FAT4: variants seen among roughly 807,000 people sequenced by gnomAD.
FAT4 encodes the protein protocadherin Fat 4.
A neutral mutation model predicts 303.9 loss-of-function variants in FAT4; 84 were observed. The ratio of observed to expected loss-of-function variants is 0.28; its 90% CI spans 0.23 to 0.33. The LOEUF (loss-of-function observed/expected upper bound fraction) is 0.33, where lower values mean the gene tolerates loss of function less well. Ranked by LOEUF, FAT4 falls within the 10% of genes least tolerant of loss-of-function variation. The pLI is 1.00. For synonymous variants in FAT4, 2,307 were observed against 2,298.8 expected (o/e 1.00, Z -0.10); for missense variants, 6,005 against 6,146.8 (o/e 0.98, Z 0.77).
chr4:125,396,945 T>C (rs1355199901), intron 2 of FAT4, among the ~76,000 whole-genome samples: 1 of 82,992 alleles, frequency 1.2e-5, no homozygotes, highest in Non-Finnish European at 2.8e-5. Flanking sequence ...TATATATATA[T>C]ATATATATAT....
intron 2 of FAT4, among the ~76,000 whole-genome samples, chr4:125,363,802 A>AT (rs1732761342): frequency 6.6e-6 from 1 of 152,006 alleles, no homozygotes; most frequent in Admixed American, 6.6e-5. Context: ...CCTGTAGCTT[A>AT]TTTTTTAAAA....
intron 2 of FAT4, among the ~76,000 whole-genome samples, chr4:125,336,443 C>T (rs1280446516): frequency 6.6e-6 from 1 of 151,740 alleles, no homozygotes; most frequent in Non-Finnish European, 1.5e-5. Context: ...AAATATAATC[C>T]ACCCGCCTAG....
In FAT4 at chr4:125,407,121, T is replaced by C. The variant is rs1406729912; in HGVS notation, c.5549T>C (p.Ile1850Thr). 5 of 1,612,702 alleles carry C rather than the reference T, an allele frequency of 3.1e-6. No individual in the cohort carries two copies. The highest frequency in any genetic ancestry group is 2.2e-5 in the East Asian group (1 of 44,844). Residue 1850 changes from isoleucine to threonine, a missense_variant, in exon 4 of 18, where the codon ATT (isoleucine) becomes ACT (threonine). Physicochemically the swap from Ile to Thr is moderately conservative, Grantham distance 89. Transcript: ENST00000394329. ...KFSRPVYSFD[I>T]PEDTIPGSLV... ...TCCAGACCCGTGTACTCTTTTGACA[T>C]TCCTGAGGACACAATCCCTGGTAGG...
Position 125,319,759 on chromosome 4 carries a change from G to C in FAT4, c.3348G>C (p.Gly1116=). Residue 1116 remains glycine, a synonymous_variant, in exon 2 of 18, where the codon GGG becomes GGC. Transcript: ENST00000394329. Reference sequence around the variant, plus strand: ...ACTTCGAAGAAGAGCAGAGGGCTGGGTCGTTTGTGGGCAAAGTAAGTGCTG... The same window carrying C: ...ACTTCGAAGAAGAGCAGAGGGCTGGCTCGTTTGTGGGCAAAGTAAGTGCTG... ...TFYFEEEQRA[G]SFVGKVSAVD... 2 of 1,614,200 alleles carry C rather than the reference G, an allele frequency of 1.2e-6. No homozygotes were observed. Among genetic ancestry groups the C allele is most frequent in the Non-Finnish European group, 1.7e-6 (2 of 1,180,030 alleles).
At chr4:125,431,349 T>G (rs1400672576) in intron 7 of FAT4, among the ~76,000 whole-genome samples, 2 of 152,208 alleles carry the variant, frequency 1.3e-5, no homozygotes, top group African/African-American at 4.8e-5. Context: ...CTGTGAATTT[T>G]TAGAGAGCTA....
chr4:125,435,302 CT>C (rs944644267), intron 8 of FAT4, among the ~76,000 whole-genome samples: 33 of 152,196 alleles, frequency 2.2e-4, no homozygotes, highest in African/African-American at 7.9e-4. Flanking sequence ...TCCAAAGGTT[CT>C]AGAGAAAAAC....
chr4:125,483,512 T>C (rs2126088807), intron 16 of FAT4, among the ~76,000 whole-genome samples: 1 of 152,308 alleles, frequency 6.6e-6, no homozygotes, highest in South Asian at 2.1e-4. Flanking sequence ...ATTTTTTTCT[T>C]CACTAAGGAA....
chr4:125,483,805 A>T (rs1227251726), intron 16 of FAT4, among the ~76,000 whole-genome samples: 1 of 152,130 alleles, frequency 6.6e-6, no homozygotes, highest in East Asian at 1.9e-4. Context: ...AAACCAAAAG[A>T]AAGTGGCTGT....
rs557454675 is a variant in FAT4, at chr4:125,388,179, T to C, written c.5176-10605T>C. 3.3e-5 allele frequency among the ~76,000 whole-genome samples: 5 copies of C among 152,282 alleles called. No homozygotes were observed. The South Asian group carries it at 1.0e-3, about 32-fold the overall frequency. On this transcript the variant is annotated intron_variant, in intron 2 of 17. Transcript: ENST00000394329. ...TTGTGCTATTTTTATAGATAGCCCA[T>C]TGTCCAATCCAAATATTATGAAAGA...
Position 125,317,963 on chromosome 4 carries a change from A to G in FAT4, c.1552A>G (p.Asn518Asp). Residue 518 changes from asparagine (N) to aspartate (D), a missense_variant, in exon 2 of 18, where the codon AAT becomes GAT. Coordinates refer to ENST00000394329, the MANE Select transcript of FAT4 (RefSeq NM_001291303.3). The surrounding 1 kb of genome is among the most constrained non-coding windows in gnomAD (Gnocchi z 7.0). The part of the protein sequence containing the change: ...ANLRYSIVSG[N>D]GLGWFHISEH... ...TCTGCGTTACAGCATTGTCTCTGGC[A>G]ATGGACTGGGATGGTTCCATATCAG... is the stretch of plus-strand genomic sequence containing the variant. 6.2e-7 allele frequency: 1 copy of G among 1,614,120 alleles called. No individual in the cohort carries two copies. The highest frequency in any genetic ancestry group is 8.5e-7 in the Non-Finnish European group (1 of 1,180,042).
intron 2 of FAT4, among the ~76,000 whole-genome samples, chr4:125,344,177 A>G (rs1421700720): frequency 6.6e-6 from 1 of 152,202 alleles, no homozygotes; most frequent in East Asian, 1.9e-4. Flanking sequence ...TTGGATTTCG[A>G]ATAAGATTAT....
At position 125,450,961 on chromosome 4, in the gene FAT4, T is replaced by C; in HGVS notation, c.9951T>C (p.Thr3317=). 6.2e-7 allele frequency: 1 copy of C among 1,614,118 alleles called. No homozygotes were observed. The highest frequency in any genetic ancestry group is 8.5e-7 in the Non-Finnish European group (1 of 1,180,006). Residue 3317 remains threonine, a synonymous_variant, in exon 10 of 18, where the codon ACT becomes ACC. Coordinates refer to ENST00000394329, the MANE Select transcript of FAT4 (RefSeq NM_001291303.3). The part of the protein sequence containing the change: ...FEISEAAPKG[T]IVGEVFASDR... ...TCTCAGAAGCAGCTCCTAAAGGTAC[T>C]ATTGTTGGAGAAGTGTTTGCTAGCG...
Position 125,491,056 on chromosome 4 carries a change from A to G in FAT4, c.14240A>G (p.Tyr4747Cys). 6.2e-7 allele frequency: 1 copy of G among 1,614,208 alleles called. No homozygotes were observed. Among genetic ancestry groups the G allele is most frequent in the Non-Finnish European group, 8.5e-7 (1 of 1,180,038 alleles). The part of the protein sequence containing the change: ...GDTCQPGIFN[Y>C]ATRLGRRSKS... ...ACCTGCCAACCTGGCATTTTCAACT[A>G]TGCCACAAGGCTGGGAAGGAGAAGC... The change falls in exon 18 of 18, where the codon TAT (tyrosine) becomes TGT (cysteine). Residue 4747 changes from tyrosine to cysteine, a missense_variant. By Grantham distance (194) the Tyr-to-Cys change is radical. Coordinates refer to ENST00000394329, the MANE Select transcript of FAT4 (RefSeq NM_001291303.3).
chr4:125,353,071 A>G (rs973439598), intron 2 of FAT4, among the ~76,000 whole-genome samples: 5 of 151,704 alleles, frequency 3.3e-5, no homozygotes, highest in Non-Finnish European at 7.4e-5. Context: ...ATTTTAGCAG[A>G]TTGTAAATTT....
intron 11 of FAT4, among the ~76,000 whole-genome samples, chr4:125,465,344 A>C (rs1331422122): frequency 6.6e-6 from 1 of 152,206 alleles, no homozygotes; most frequent in Non-Finnish European, 1.5e-5. Flanking sequence ...CTTTCTTTCA[A>C]TGGTGTCTCA....
At chr4:125,471,920 A>AAAAG (rs1726875139) in intron 12 of FAT4, among the ~76,000 whole-genome samples, 1 of 146,222 alleles carries the variant, frequency 6.8e-6, no homozygotes, top group Admixed American at 6.8e-5. Context: ...AAAAAAAAAA[A>AAAAG]AAAAAAATTA....
chr4:125,480,482 C>T (rs1307844802), intron 15 of FAT4, among the ~76,000 whole-genome samples: 1 of 152,116 alleles, frequency 6.6e-6, no homozygotes, highest in Non-Finnish European at 1.5e-5. Context: ...GCACATCTCA[C>T]TAACTAACCC....
At chr4:125,485,686 A>G (rs897466305) in intron 16 of FAT4, among the ~76,000 whole-genome samples, 4 of 152,226 alleles carry the variant, frequency 2.6e-5, no homozygotes, top group Admixed American at 2.6e-4. Context: ...CTCTAAAATA[A>G]TGATTAAAAA....
At chr4:125,443,349 A>G (rs891972163) in intron 8 of FAT4, among the ~76,000 whole-genome samples, 2 of 152,202 alleles carry the variant, frequency 1.3e-5, no homozygotes, top group Non-Finnish European at 2.9e-5. Flanking sequence ...TATTGACACA[A>G]CTTGAGCAAG....
Sources: gnomAD v4.1 joint callset for allele counts (sites outside exome capture counted in the v4.1 genomes callset) on GRCh38, gnomAD v4.1.1 for gene constraint, Gnocchi (gnomAD v3.1) non-coding constraint, MANE v1.5 for transcripts, NCBI Gene and HGNC (gene_info 2026-07-23, HGNC 2026-07-21) for gene names.